The following COL5A1 variants were observed in gnomAD, a reference collection of about 807,000 sequenced individuals.
The protein encoded by COL5A1 is collagen alpha-1(V) chain.
In COL5A1, 16 loss-of-function variants were observed where a neutral mutation model predicts 263.7. The ratio of observed to expected loss-of-function variants is 0.06; its 90% CI spans 0.04 to 0.09. COL5A1 has a LOEUF of 0.09. COL5A1 is among the 10% of genes least tolerant of loss of function. The pLI is 1.00. For missense variants in COL5A1, 2,036 were observed against 2,540.5 expected, an observed-to-expected ratio of 0.80 and a Z score of 4.27; for synonymous variants, 1,012 against 1,004.5, an observed-to-expected ratio of 1.01 and a Z score of -0.14.
intron 1 of COL5A1, among the ~76,000 whole-genome samples, chr9:134,648,281 TA>T (rs1831541928): frequency 7.0e-6 from 1 of 143,864 alleles, no homozygotes; most frequent in Admixed American, 7.0e-5. Flanking sequence ...CAGTACTTAA[TA>T]AACTCCTATA....
At chr9:134,761,878 G>T (rs1233668915) in intron 18 of COL5A1, 47 bp from the exon 19 acceptor site, 2 of 1,595,616 alleles carry the variant, frequency 1.3e-6, no homozygotes, top group Non-Finnish European at 1.7e-6. Context: ...GACAAGCCCT[G>T]CATGACCTGC....
chr9:134,718,287 T>A (rs1834341558), intron 4 of COL5A1, among the ~76,000 whole-genome samples: 1 of 152,246 alleles, frequency 6.6e-6, no homozygotes, highest in Non-Finnish European at 1.5e-5. Context: ...GCAGGGGCTC[T>A]GCAGCAGAGC....
Position 134,682,994 on chromosome 9 carries a change from G to A in COL5A1, c.110-7918G>A, listed in dbSNP as rs1832906251. On this transcript the variant is annotated intron_variant, in intron 1 of 65. Transcript: ENST00000371817. The surrounding 1 kb of genome is among the most constrained non-coding windows in gnomAD (Gnocchi z 5.1). The stretch of plus-strand genomic sequence containing the variant: ...AAAGATCCAATGCAGACCCCAGCAG[G>A]CCTCGTAGGAGCGTGCGATCCCACG... 6.6e-6 allele frequency among the ~76,000 whole-genome samples: 1 copy of A among 152,184 alleles called. No individual in the cohort carries two copies. The highest frequency in any genetic ancestry group is 1.5e-5 in the Non-Finnish European group (1 of 68,038).
chr9:134,796,854 A>G lies in COL5A1; in HGVS notation c.2851A>G (p.Asn951Asp). The G allele has an allele frequency of 6.2e-7, 1 of 1,614,072 alleles. No homozygotes were observed. The highest frequency in any genetic ancestry group is 2.2e-5 in the East Asian group (1 of 44,876). Reference sequence around the variant, plus strand: ...GGCCTTTCTCTGTTCCCAGGGACCCAATGGACCCCAAGGACCCACAGGATT... The same window carrying G: ...GGCCTTTCTCTGTTCCCAGGGACCCGATGGACCCCAAGGACCCACAGGATT... The part of the protein sequence containing the change: ...PAGPPGERGP[N>D]GPQGPTGFPG... Residue 951 changes from asparagine to aspartate, a missense_variant, in exon 36 of 66, where the codon AAT becomes GAT. Coordinates refer to ENST00000371817, the MANE Select transcript of COL5A1 (RefSeq NM_000093.5).
chr9:134,665,524 G>T (rs912153468), intron 1 of COL5A1, among the ~76,000 whole-genome samples: 3 of 152,206 alleles, frequency 2.0e-5, no homozygotes, highest in African/African-American at 7.2e-5. Context: ...ATTGAAAAGG[G>T]ATGCATACAA....
intron 1 of COL5A1, among the ~76,000 whole-genome samples, chr9:134,673,151 G>A (rs57556695): frequency 0.028 from 4,322 of 152,218 alleles, 201 homozygotes; most frequent in African/African-American, 0.099. Context: ...TTTAAAAATA[G>A]AGATTGATAA....
chr9:134,754,351 T>G lies in COL5A1; in HGVS notation c.1827+25T>G. ...GGTGAGTGGTGCGAGTGTGTGTGGT[T>G]TAGTGACAGCAGCTTGGGCGCTGGA... On this transcript the variant is annotated intron_variant, in intron 16 of 65. Coordinates refer to ENST00000371817, the MANE Select transcript of COL5A1 (RefSeq NM_000093.5). This position sits in a 1 kb window ranked among gnomAD's most constrained non-coding sequence, Gnocchi z 4.3. 1 of 1,613,864 alleles carries G rather than the reference T, an allele frequency of 6.2e-7. No homozygotes were observed. The highest frequency in any genetic ancestry group is 8.5e-7 in the Non-Finnish European group (1 of 1,179,980).
intron 1 of COL5A1, among the ~76,000 whole-genome samples, chr9:134,676,558 T>C (rs1832689491): frequency 1.1e-5 from 1 of 93,640 alleles, no homozygotes; most frequent in Non-Finnish European, 2.1e-5. Flanking sequence ...GGCAGGTCAA[T>C]GCATGTGTAC....
Position 134,841,749 on chromosome 9 carries a change from C to T in COL5A1, c.5371-408C>T, listed in dbSNP as rs1830108409. 6.6e-6 allele frequency among the ~76,000 whole-genome samples: 1 copy of T among 152,096 alleles called. No homozygotes were observed. The highest frequency in any genetic ancestry group is 1.5e-5 in the Non-Finnish European group (1 of 68,016). On this transcript the variant is annotated intron_variant, in intron 65 of 65. Coordinates refer to ENST00000371817, the MANE Select transcript of COL5A1 (RefSeq NM_000093.5). This position sits in a 1 kb window ranked among gnomAD's most constrained non-coding sequence, Gnocchi z 4.8. The stretch of plus-strand genomic sequence containing the variant: ...GCCCCCGTTTGATTTTCCAGTGTGC[C>T]CTGCTTGTTCTGTAGCTGGCCCTGG...
intron 1 of COL5A1, among the ~76,000 whole-genome samples, chr9:134,654,569 G>C (rs1370348556): frequency 2.5e-5 from 3 of 121,904 alleles, no homozygotes; most frequent in Non-Finnish European, 3.4e-5. Flanking sequence ...CTGGGTGTGT[G>C]TAGGGCTGGG....
intron 1 of COL5A1, among the ~76,000 whole-genome samples, chr9:134,667,434 G>A (rs1312344678): frequency 6.6e-6 from 1 of 152,220 alleles, no homozygotes; most frequent in Non-Finnish European, 1.5e-5. Context: ...GCTCTGTTTG[G>A]TCACTGGTGC....
intron 16 of COL5A1, 97 bp from the exon 17 acceptor site, chr9:134,756,668 G>T (rs747416375): frequency 1.8e-4 from 243 of 1,346,584 alleles, no homozygotes; most frequent in Non-Finnish European, 2.6e-4. Flanking sequence ...CGCGGCTCTG[G>T]TGGAACGCTC....
At chr9:134,736,356 G>A (rs546006539) in intron 9 of COL5A1, among the ~76,000 whole-genome samples, 1 of 152,320 alleles carries the variant, frequency 6.6e-6, no homozygotes, top group African/African-American at 2.4e-5. Flanking sequence ...CTCACATAGC[G>A]GAAGGCATCG....
At chr9:134,683,338 G>A (rs1014129686) in intron 1 of COL5A1, among the ~76,000 whole-genome samples, 2 of 152,136 alleles carry the variant, frequency 1.3e-5, no homozygotes, top group Admixed American at 6.5e-5. Flanking sequence ...TGAGCCCGTC[G>A]CGGGCTGATC....
At chr9:134,783,435 G>T (rs921649935) in intron 29 of COL5A1, among the ~76,000 whole-genome samples, 1 of 152,200 alleles carries the variant, frequency 6.6e-6, no homozygotes, top group African/African-American at 2.4e-5. Context: ...ACGAAGGAAG[G>T]GTAGGGAGCT....
At chr9:134,775,143 C>T (rs1294805751) in intron 27 of COL5A1, among the ~76,000 whole-genome samples, 1 of 152,244 alleles carries the variant, frequency 6.6e-6, no homozygotes, top group African/African-American at 2.4e-5. Context: ...GAGCACAGGA[C>T]AGTCTGCAGT....
intron 24 of COL5A1, 136 bp downstream of exon 24, chr9:134,767,490 A>C: frequency 1.3e-6 from 1 of 796,576 alleles, no homozygotes; most frequent in South Asian, 1.6e-5. Flanking sequence ...CAAAGCTCAG[A>C]GTGCCAAGAA....
At chr9:134,768,505 C>T (rs1206829675) in intron 25 of COL5A1, 42 bp downstream of exon 25, 5 of 1,594,086 alleles carry the variant, frequency 3.1e-6, no homozygotes, top group Non-Finnish European at 4.3e-6. Flanking sequence ...ACTCTCCCCA[C>T]CTCCACCCTG....
chr9:134,677,543 G>T lies in COL5A1; in HGVS notation c.110-13369G>T, dbSNP rs1832714691. ...CTTGCCCCTGATGCTGAAATGATAG[G>T]AGGGTGAGGTTTATCAGCGGGATCT... is the stretch of plus-strand genomic sequence containing the variant. On this transcript the variant is annotated intron_variant, in intron 1 of 65. Coordinates refer to ENST00000371817, the MANE Select transcript of COL5A1 (RefSeq NM_000093.5). The surrounding 1 kb of genome is among the most constrained non-coding windows in gnomAD (Gnocchi z 4.4). 6.6e-6 allele frequency among the ~76,000 whole-genome samples: 1 copy of T among 152,214 alleles called. No homozygotes were observed. The highest frequency in any genetic ancestry group is 1.5e-5 in the Non-Finnish European group (1 of 68,044).
Sources: allele counts gnomAD v4.1 joint callset (sites outside exome capture counted in the v4.1 genomes callset), GRCh38; gene constraint gnomAD v4.1.1; non-coding constraint Gnocchi (gnomAD v3.1); transcripts MANE v1.5; gene names NCBI Gene and HGNC (gene_info 2026-07-23, HGNC 2026-07-21).